GPHA2: variants seen among roughly 807,000 people sequenced by gnomAD.
The protein encoded by GPHA2 is glycoprotein hormone alpha-2.
A neutral mutation model predicts 15.3 loss-of-function variants in GPHA2; 12 were observed. That is an observed-to-expected ratio of 0.78 (90% CI 0.50 to 1.27). The LOEUF is 1.27. GPHA2 is among the 50% of genes most tolerant of loss of function. The pLI, the probability that GPHA2 is intolerant of heterozygous loss-of-function variation, is 0.00. For missense variants in GPHA2, 156 were observed against 169.5 expected, an observed-to-expected ratio of 0.92 and a Z score of 0.44; for synonymous variants, 61 against 66.8, an observed-to-expected ratio of 0.91 and a Z score of 0.42.
chr11:64,935,571 G>A (rs1205993943), intron 1 of GPHA2, 111 bp from the exon 2 acceptor site: 5 of 678,892 alleles, frequency 7.4e-6, no homozygotes, highest in African/African-American at 7.2e-5. Flanking sequence ...TGACAGGTGA[G>A]GTGTGCCTGA....
chr11:64,936,931 C>T (rs1028565721), upstream of GPHA2, among the ~76,000 whole-genome samples: 2 of 152,196 alleles, frequency 1.3e-5, no homozygotes, highest in Non-Finnish European at 2.9e-5. Context: ...ATAGATGAGG[C>T]AACTAAGGCT....
Position 64,935,061 on chromosome 11 carries a change from A to C in GPHA2, c.218T>G (p.Leu73Arg). ...GTTGTGTCGGTAACCACTGGCCACC[A>C]GCACAGAGTACCGAGAAGGGAAGGC... ...SSAFPSRYSV[L>R]VASGYRHNIT... Residue 73 changes from leucine to arginine, a missense_variant, in exon 3 of 4, where the codon CTG becomes CGG. Transcript: ENST00000279168. The C allele has an allele frequency of 6.2e-7, 1 of 1,614,118 alleles. No homozygotes were observed. Among genetic ancestry groups the C allele is most frequent in the South Asian group, 1.1e-5 (1 of 91,066 alleles).
At position 64,935,073 on chromosome 11, in the gene GPHA2, C is replaced by G. The variant is rs757236833; in HGVS notation, c.206G>C (p.Arg69Pro). Residue 69 changes from arginine to proline, a missense_variant, in exon 3 of 4, where the codon CGG (arginine) becomes CCG (proline). Physicochemically the swap from Arg to Pro is moderately radical, Grantham distance 103. Coordinates refer to ENST00000279168, the MANE Select transcript of GPHA2 (RefSeq NM_130769.4). ...GHCESSAFPS[R>P]YSVLVASGYR... ...ACCACTGGCCACCAGCACAGAGTAC[C>G]GAGAAGGGAAGGCGCTGGACTCACA... 2 of 1,614,110 alleles carry G rather than the reference C, an allele frequency of 1.2e-6. No homozygotes were observed. Among genetic ancestry groups the G allele is most frequent in the Non-Finnish European group, 1.7e-6 (2 of 1,180,024 alleles).
At position 64,934,517 on chromosome 11, in the gene GPHA2, T is replaced by A. The variant is rs1318378711; in HGVS notation, c.*256A>T. 1 of 574,994 alleles carries A rather than the reference T, an allele frequency of 1.7e-6. No homozygotes were observed. Among genetic ancestry groups the A allele is most frequent in the Admixed American group, 3.0e-5 (1 of 33,032 alleles). The allele number at this position is 574,994 out of a possible 1,614,324, so 35.6% of individuals were successfully genotyped here. A position where few individuals can be genotyped will look rare whatever the true frequency, so the allele number is the denominator to read the frequency against. ...TTAGGGGTAAGGGCAAAGAGGGAAG[T>A]AAAATGATGAAAGATTGGTTTAGAA... On this transcript the variant is annotated 3_prime_UTR_variant, in exon 4 of 4. Coordinates refer to ENST00000279168, the MANE Select transcript of GPHA2 (RefSeq NM_130769.4).
Position 64,935,031 on chromosome 11 carries a change from G to A in GPHA2, c.248C>T (p.Thr83Ile). ...GATGGTGCAGCACTGAGAGACGGAG[G>A]TGATGTTGTGTCGGTAACCACTGGC... ...LVASGYRHNI[T>I]SVSQCCTISG... The change falls in exon 3 of 4, where the codon ACC becomes ATC. Residue 83 changes from threonine (T) to isoleucine (I), a missense_variant. Physicochemically the swap from Thr to Ile is moderately conservative, Grantham distance 89. Transcript: ENST00000279168. The A allele has an allele frequency of 6.2e-7, 1 of 1,614,102 alleles. No homozygotes were observed. The highest frequency in any genetic ancestry group is 2.2e-5 in the East Asian group (1 of 44,860).
intron 2 of GPHA2, 45 bp from the exon 3 acceptor site, chr11:64,935,220 T>G (rs1945280257): frequency 5.1e-6 from 8 of 1,568,312 alleles, no homozygotes; most frequent in Non-Finnish European, 6.9e-6. Flanking sequence ...CTGCCAAGGT[T>G]TGCCTCGCCC....
At chr11:64,934,967 C>A (rs764034228) in intron 3 of GPHA2, 24 bp downstream of exon 3, 1 of 1,613,722 alleles carries the variant, frequency 6.2e-7, no homozygotes, top group African/African-American at 1.3e-5. Flanking sequence ...CAGCGTCCAT[C>A]CACCGGGCCC....
chr11:64,937,026 C>CTA (rs1314513612), upstream of GPHA2, among the ~76,000 whole-genome samples: 1 of 152,170 alleles, frequency 6.6e-6, no homozygotes, highest in African/African-American at 2.4e-5. Flanking sequence ...ATCCATGGTG[C>CTA]TAAACTACAC....
At position 64,934,600 on chromosome 11, in the gene GPHA2, A is replaced by G; in HGVS notation, c.*173T>C. ...TCCCCTCTTCTCAGGTGACAGTCAC[A>G]AAATCTTACAAAGGATCAAAGCTGG... On this transcript the variant is annotated 3_prime_UTR_variant, in exon 4 of 4. Coordinates refer to ENST00000279168, the MANE Select transcript of GPHA2 (RefSeq NM_130769.4). 1.6e-6 allele frequency: 1 copy of G among 620,010 alleles called. No individual in the cohort carries two copies. The highest frequency in any genetic ancestry group is 2.9e-6 in the Non-Finnish European group (1 of 347,072). 38.4% of individuals were successfully genotyped at this position (620,010 alleles called of 1,614,324 possible).
At chr11:64,936,150 C>T (rs985880476), upstream of GPHA2, among the ~76,000 whole-genome samples, 6 of 152,144 alleles carry the variant, frequency 3.9e-5, no homozygotes, top group Middle Eastern at 3.2e-3. Context: ...GAGTGTGCAG[C>T]GTGTGTGCAG....
chr11:64,934,877 G>A lies in GPHA2; in HGVS notation c.289-3C>T. 6.2e-7 allele frequency: 1 copy of A among 1,613,754 alleles called. No individual in the cohort carries two copies. Among genetic ancestry groups the A allele is most frequent in the East Asian group, 2.2e-5 (1 of 44,856 alleles). On this transcript the variant is annotated splice_region_variant and splice_polypyrimidine_tract_variant and intron_variant, in intron 3 of 3. Transcript: ENST00000279168. ...ACACACTGCAGCTGTACTTTGACCT[G>A]CGGGAGAGGGGAGTCCGTGCTGCAG...
At position 64,935,189 on chromosome 11, in the gene GPHA2, G is replaced by A. The variant is rs753132810; in HGVS notation, c.104-14C>T. On this transcript the variant is annotated splice_polypyrimidine_tract_variant and intron_variant, in intron 2 of 3. Coordinates refer to ENST00000279168, the MANE Select transcript of GPHA2 (RefSeq NM_130769.4). ...TCACATTGAAGGCTAGAAGGAGATA[G>A]GCAAGCAGTAGACGGCGCCTCTGCC... 6 of 1,606,956 alleles carry A rather than the reference G, an allele frequency of 3.7e-6. No homozygotes were observed. The highest frequency in any genetic ancestry group is 5.1e-6 in the Non-Finnish European group (6 of 1,176,604).
At chr11:64,937,277 G>A (rs1011584348), upstream of GPHA2, among the ~76,000 whole-genome samples, 1 of 152,180 alleles carries the variant, frequency 6.6e-6, no homozygotes, top group African/African-American at 2.4e-5. Context: ...TAAGAGCTCA[G>A]CGGAAAACAA....
intron 1 of GPHA2, 76 bp from the exon 2 acceptor site, chr11:64,935,536 G>C: frequency 1.0e-6 from 1 of 989,740 alleles, no homozygotes; most frequent in Non-Finnish European, 1.5e-6. Context: ...TGCATTCCAG[G>C]TGAGTGAGCC....
chr11:64,934,482 CT>C lies in GPHA2; in HGVS notation c.*290del. 1 of 513,636 alleles carries C rather than the reference CT, an allele frequency of 1.9e-6. No individual in the cohort carries two copies. The highest frequency in any genetic ancestry group is 2.2e-5 in the South Asian group (1 of 45,202). 31.8% of individuals were successfully genotyped at this position (513,636 alleles called of 1,614,324 possible). ...AATAAAGAGAGAAATTCAAGAACTGCTTGCTTTATTTAGGGGTAAGGGCAAA... is the reference window on the plus strand; with the variant it reads ...AATAAAGAGAGAAATTCAAGAACTGCTGCTTTATTTAGGGGTAAGGGCAAA... On this transcript the variant is annotated 3_prime_UTR_variant, in exon 4 of 4. Coordinates refer to ENST00000279168, the MANE Select transcript of GPHA2 (RefSeq NM_130769.4).
chr11:64,935,104 CCA>C lies in GPHA2; in HGVS notation c.173_174del (p.Val58GlyfsTer4). On this transcript the variant is annotated frameshift_variant, in exon 3 of 4. Transcript: ENST00000279168. LOFTEE classifies it high-confidence loss of function. Reference sequence around the variant, plus strand: ...GGGAAGGCGCTGGACTCACAGTGGCCCACACAGGCCTGTGCCACGTGGGAGCC... The same window carrying C: ...GGGAAGGCGCTGGACTCACAGTGGCCCACAGGCCTGTGCCACGTGGGAGCC... Reference protein sequence around the residue: ...CQGSHVAQACVGHCESSAFPS... With the variant: ...CQGSHVAQACXGHCESSAFPS... 2 of 1,614,002 alleles carry C rather than the reference CCA, an allele frequency of 1.2e-6. No individual in the cohort carries two copies. Among genetic ancestry groups the C allele is most frequent in the Non-Finnish European group, 1.7e-6 (2 of 1,179,978 alleles).
intron 3 of GPHA2, 46 bp from the exon 4 acceptor site, chr11:64,934,920 G>T (rs777225208): frequency 9.3e-6 from 15 of 1,611,862 alleles, no homozygotes; most frequent in Non-Finnish European, 1.3e-5. Flanking sequence ...TCTCAGGGCT[G>T]TCTAGGATCT....
Position 64,935,395 on chromosome 11 carries a change from C to A in GPHA2, c.66G>T (p.Trp22Cys). 6.2e-7 allele frequency: 1 copy of A among 1,608,888 alleles called. No homozygotes were observed. ...YLLVLAVTEA[W>C]GQEAVIPGCH... ...AGCCTGGGATGACTGCCTCCTGGCC[C>A]CAGGCTTCAGTGACTGCCAGGACCA... Residue 22 changes from tryptophan to cysteine, a missense_variant, in exon 2 of 4, where the codon TGG becomes TGT. Trp to Cys is a radical substitution (Grantham distance 215, BLOSUM62 -2). Coordinates refer to ENST00000279168, the MANE Select transcript of GPHA2 (RefSeq NM_130769.4).
In GPHA2 at chr11:64,935,383, T is replaced by C. The variant is rs1945282612; in HGVS notation, c.78A>G (p.Ala26=). The C allele has an allele frequency of 1.2e-6, 2 of 1,605,712 alleles. No individual in the cohort carries two copies. The highest frequency in any genetic ancestry group is 2.2e-5 in the East Asian group (1 of 44,816). Residue 26 remains alanine, a synonymous_variant, in exon 2 of 4, where the codon GCA becomes GCG. Coordinates refer to ENST00000279168, the MANE Select transcript of GPHA2 (RefSeq NM_130769.4). ...GGTGCAAGTGGCAGCCTGGGATGAC[T>C]GCCTCCTGGCCCCAGGCTTCAGTGA... ...LAVTEAWGQE[A]VIPGCHLHPF...
Sources: allele counts gnomAD v4.1 joint callset (sites outside exome capture counted in the v4.1 genomes callset), GRCh38; gene constraint gnomAD v4.1.1; transcripts MANE v1.5; gene names NCBI Gene and HGNC (gene_info 2026-07-23, HGNC 2026-07-21).